Variants in SLC25A36 observed in about 807,000 individuals in gnomAD.
SLC25A36 encodes the protein solute carrier family 25 member 36, also known as epididymis secretory sperm binding protein.
In SLC25A36, 24 loss-of-function variants were observed where a neutral mutation model predicts 35.3. That is an observed-to-expected ratio of 0.68 (90% CI 0.49 to 0.96). SLC25A36 has a LOEUF of 0.96. SLC25A36 is among the 40% of genes least tolerant of loss of function. SLC25A36 has a pLI of 0.00. For synonymous variants in SLC25A36, 141 were observed against 132.2 expected, an observed-to-expected ratio of 1.07 and a Z score of -0.46; for missense variants, 294 against 381.1, an observed-to-expected ratio of 0.77 and a Z score of 1.90.
chr3:140,976,636 GAAA>G lies in SLC25A36; in HGVS notation c.*195_*197del. 8 of 264,544 alleles carry G rather than the reference GAAA, an allele frequency of 3.0e-5. No individual in the cohort carries two copies. The highest frequency in any genetic ancestry group is 6.1e-5 in the East Asian group (1 of 16,440). The allele number at this position is 264,544 out of a possible 1,614,324, so 16.4% of individuals were successfully genotyped here. A position where few individuals can be genotyped will look rare whatever the true frequency, so the allele number is the denominator to read the frequency against. On this transcript the variant is annotated 3_prime_UTR_variant, in exon 7 of 7. Coordinates refer to ENST00000324194, the MANE Select transcript of SLC25A36 (RefSeq NM_001104647.3). ...ACATTACTTGGCCTTTCGGTAATGTGAAAAAAAAAAAAAACCTCAGAGCCTCCA... is the reference window on the plus strand; with the variant it reads ...ACATTACTTGGCCTTTCGGTAATGTGAAAAAAAAAAACCTCAGAGCCTCCA...
chr3:140,968,212 T>C (rs1429837938), intron 4 of SLC25A36: 18 of 951,808 alleles, frequency 1.9e-5, no homozygotes, highest in Non-Finnish European at 2.3e-5. Context: ...TTTGTTAAAG[T>C]GTCTTTGGTT....
intron 1 of SLC25A36, among the ~76,000 whole-genome samples, chr3:140,953,494 A>G (rs1430278458): frequency 6.6e-6 from 1 of 152,152 alleles, no homozygotes; most frequent in Non-Finnish European, 1.5e-5. Context: ...TTCACATAAT[A>G]TATTCAGCCC....
chr3:140,972,977 A>G (rs1934944617), intron 5 of SLC25A36: 1 of 152,178 alleles, frequency 6.6e-6, no homozygotes, highest in Non-Finnish European at 1.5e-5. Context: ...TAAGGTAACA[A>G]ATATTGTTAA....
rs1221723760 is a variant in SLC25A36, at chr3:140,980,770, A to G, written c.*4317A>G. 7.0e-5 allele frequency among the ~76,000 whole-genome samples: 9 copies of G among 128,864 alleles called. No individual in the cohort carries two copies. Among genetic ancestry groups the G allele is most frequent in the Non-Finnish European group, 1.2e-4 (8 of 64,102 alleles). The allele number at this position is 128,864 out of a possible 152,430, so 84.5% of individuals were successfully genotyped here. ...TGCTGGAGTGCAATGACATGATCTCAGGTCACTGCAACCTCTGCCTCCCGG... is the reference window on the plus strand; with the variant it reads ...TGCTGGAGTGCAATGACATGATCTCGGGTCACTGCAACCTCTGCCTCCCGG... On this transcript the variant is annotated 3_prime_UTR_variant, in exon 7 of 7. Coordinates refer to ENST00000324194, the MANE Select transcript of SLC25A36 (RefSeq NM_001104647.3).
At chr3:140,942,177 G>C (rs546984170) in intron 1 of SLC25A36, 82 bp downstream of exon 1, 1,884 of 129,744 alleles carry the variant, frequency 0.015, 23 homozygotes, top group Non-Finnish European at 0.02. Context: ...GGGGGGCCGA[G>C]GGGGGTGGGG....
At chr3:140,962,805 ATTTT>A (rs143545389) in intron 3 of SLC25A36, among the ~76,000 whole-genome samples, 4 of 150,790 alleles carry the variant, frequency 2.7e-5, no homozygotes, top group Non-Finnish European at 3.0e-5. Context: ...TTTTGTTTTT[ATTTT>A]TTTTTAATTT....
chr3:140,949,203 C>T (rs1192555420), intron 1 of SLC25A36, among the ~76,000 whole-genome samples: 1 of 152,152 alleles, frequency 6.6e-6, no homozygotes, highest in Non-Finnish European at 1.5e-5. Context: ...GCTAGACCCC[C>T]TGGCATGCTA....
intron 1 of SLC25A36, among the ~76,000 whole-genome samples, chr3:140,953,381 G>A (rs1934380220): frequency 6.8e-6 from 1 of 147,210 alleles, no homozygotes; most frequent in Non-Finnish European, 1.5e-5. Context: ...GTATAATTGT[G>A]GTTTCGACAT....
chr3:140,966,750 G>A (rs150659603), intron 4 of SLC25A36: 45 of 360,458 alleles, frequency 1.2e-4, no homozygotes, highest in Non-Finnish European at 1.9e-4. Context: ...TTCAGTACTC[G>A]GTACATTTTT....
intron 1 of SLC25A36, among the ~76,000 whole-genome samples, chr3:140,947,455 T>C (rs1934198300): frequency 1.3e-5 from 2 of 152,180 alleles, no homozygotes; most frequent in Admixed American, 1.3e-4. Context: ...AAAGGCCTTT[T>C]TCTTTCTTAC....
chr3:140,943,247 A>C (rs959608400), intron 1 of SLC25A36, among the ~76,000 whole-genome samples: 5 of 152,232 alleles, frequency 3.3e-5, no homozygotes, highest in African/African-American at 9.6e-5. Flanking sequence ...ACTTTTAAGA[A>C]TATGAAAGAA....
intron 4 of SLC25A36, chr3:140,964,750 G>C (rs1193092231): frequency 2.0e-5 from 3 of 151,872 alleles, no homozygotes; most frequent in Non-Finnish European, 4.4e-5. Flanking sequence ...TAGAAAGTTA[G>C]ATGAGCAGTC....
At chr3:140,966,812 A>G (rs1271463440) in intron 4 of SLC25A36, 3 of 389,524 alleles carry the variant, frequency 7.7e-6, no homozygotes, top group Non-Finnish European at 1.6e-5. Context: ...AAAATTTTCA[A>G]AAAAGTTAGA....
chr3:140,945,278 C>T (rs1177141916), intron 1 of SLC25A36, among the ~76,000 whole-genome samples: 1 of 152,298 alleles, frequency 6.6e-6, no homozygotes, highest in South Asian at 2.1e-4. Flanking sequence ...AAGCGTCTAC[C>T]TCCTAATACT....
chr3:140,965,924 ATTAC>A (rs1218084931), intron 4 of SLC25A36: 3 of 151,830 alleles, frequency 2.0e-5, no homozygotes, highest in Non-Finnish European at 2.9e-5. Flanking sequence ...AATTTGTTAA[ATTAC>A]TTCTTTCTTT....
In SLC25A36 at chr3:140,973,950, G is replaced by A. The variant is rs1934972071; in HGVS notation, c.687G>A (p.Met229Ile). The part of the protein sequence containing the change: ...SVKEASDFVG[M>I]MLAAATSKTC... ...AAGAAGCATCAGATTTTGTGGGAAT[G>A]ATGCTAGCTGCTGCCACCTCAAAAA... The change falls in exon 6 of 7, where the codon ATG becomes ATA. Residue 229 changes from methionine to isoleucine, a missense_variant. Physicochemically the swap from Met to Ile is conservative, Grantham distance 10. Transcript: ENST00000324194. The A allele has an allele frequency of 2.5e-6, 4 of 1,599,778 alleles. No individual in the cohort carries two copies. Among genetic ancestry groups the A allele is most frequent in the Non-Finnish European group, 3.4e-6 (4 of 1,170,706 alleles).
chr3:140,959,393 T>C, intron 2 of SLC25A36, 70 bp from the exon 3 acceptor site: 2 of 848,228 alleles, frequency 2.4e-6, no homozygotes, highest in Non-Finnish European at 3.6e-6. Flanking sequence ...ACTCTAACTT[T>C]ATATACAAAG....
At chr3:140,975,053 G>A (rs903162854) in intron 6 of SLC25A36, among the ~76,000 whole-genome samples, 4 of 134,288 alleles carry the variant, frequency 3.0e-5, no homozygotes, top group Non-Finnish European at 4.7e-5. Flanking sequence ...GAAGTGAGAT[G>A]ATGTCATTAC....
At chr3:140,949,819 C>A (rs952444666) in intron 1 of SLC25A36, among the ~76,000 whole-genome samples, 38 of 152,294 alleles carry the variant, frequency 2.5e-4, no homozygotes, top group South Asian at 2.1e-4. Context: ...ATAGAAATAA[C>A]TTTGAATTGT....
Sources: gnomAD v4.1 joint callset for allele counts (sites outside exome capture counted in the v4.1 genomes callset) on GRCh38, gnomAD v4.1.1 for gene constraint, MANE v1.5 for transcripts, NCBI Gene and HGNC (gene_info 2026-07-23, HGNC 2026-07-21) for gene names.